SLC17A8: variants seen among roughly 807,000 people sequenced by gnomAD.
SLC17A8 encodes vesicular glutamate transporter 3.
A neutral mutation model predicts 58.0 loss-of-function variants in SLC17A8; 31 were observed. The observed-to-expected ratio is 0.53, with a 90% CI of 0.40 to 0.72. The LOEUF is 0.72. Ranked by LOEUF, SLC17A8 falls within the 30% of genes least tolerant of loss-of-function variation. The pLI, the probability that SLC17A8 is intolerant of heterozygous loss-of-function variation, is 0.00. For missense variants in SLC17A8, 655 were observed against 727.8 expected, an observed-to-expected ratio of 0.90 and a Z score of 1.15; for synonymous variants, 228 against 249.0, an observed-to-expected ratio of 0.92 and a Z score of 0.79.
chr12:100,409,541 C>G (rs1013509269), intron 9 of SLC17A8, among the ~76,000 whole-genome samples: 1 of 152,070 alleles, frequency 6.6e-6, no homozygotes, highest in African/African-American at 2.4e-5. Context: ...GTTAAATATA[C>G]AGTTTTGTGG....
chr12:100,382,303 G>A (rs1952643478), intron 2 of SLC17A8, among the ~76,000 whole-genome samples: 2 of 152,240 alleles, frequency 1.3e-5, no homozygotes, highest in Non-Finnish European at 2.9e-5. Flanking sequence ...CACAGGGCCA[G>A]TTCAGAGGCC....
chr12:100,413,244 C>T (rs1002305389), intron 10 of SLC17A8, among the ~76,000 whole-genome samples: 4 of 152,114 alleles, frequency 2.6e-5, no homozygotes, highest in South Asian at 2.1e-4. Context: ...TTTCAAGCCT[C>T]GCCCTCTTGC....
At chr12:100,410,014 A>C (rs1952855232) in intron 9 of SLC17A8, among the ~76,000 whole-genome samples, 1 of 152,202 alleles carries the variant, frequency 6.6e-6, no homozygotes, top group South Asian at 2.1e-4. Context: ...GCTTAGAAAG[A>C]CAGTGGTATT....
intron 3 of SLC17A8, among the ~76,000 whole-genome samples, chr12:100,391,454 AC>A (rs367994468): frequency 6.9e-5 from 10 of 144,014 alleles, no homozygotes; most frequent in African/African-American, 2.6e-4. Flanking sequence ...AAAAGTGTGC[AC>A]CACTACACCC....
chr12:100,386,245 A>G (rs1285392095), intron 2 of SLC17A8, among the ~76,000 whole-genome samples: 1 of 152,116 alleles, frequency 6.6e-6, no homozygotes, highest in Non-Finnish European at 1.5e-5. Context: ...TTGGTTTATT[A>G]TAGTGATGGT....
chr12:100,379,049 T>C (rs1952613882), intron 1 of SLC17A8, among the ~76,000 whole-genome samples: 1 of 152,206 alleles, frequency 6.6e-6, no homozygotes, highest in South Asian at 2.1e-4. Flanking sequence ...TGAGACACAG[T>C]AGGCGCTCAA....
At chr12:100,404,528 ACAC>A (rs1421717582) in intron 9 of SLC17A8, 1 of 225,458 alleles carries the variant, frequency 4.4e-6, no homozygotes, top group East Asian at 9.1e-5. Context: ...ACACACACAC[ACAC>A]ACCATTCTCT....
rs1952810306 is a variant in SLC17A8 at position 100,404,120 on chromosome 12, G to A, written c.1136G>A (p.Ser379Asn). 2 of 1,614,092 alleles carry A rather than the reference G, an allele frequency of 1.2e-6. No individual in the cohort carries two copies. Among genetic ancestry groups the A allele is most frequent in the African/African-American group, 1.3e-5 (1 of 74,940 alleles). The change falls in exon 9 of 12, where the codon AGC (serine) becomes AAC (asparagine). Residue 379 changes from serine (S) to asparagine (N), a missense_variant. Coordinates refer to ENST00000323346, the MANE Select transcript of SLC17A8 (RefSeq NM_139319.3). ...IGGQLADYLRSRQILTTTAVR... is the reference protein window; with the variant it reads ...IGGQLADYLRNRQILTTTAVR... ...GGACAATTGGCTGATTATTTAAGAA[G>A]CAGACAAATTTTAACCACAACTGCT...
chr12:100,407,876 G>C (rs1051547589), intron 9 of SLC17A8, among the ~76,000 whole-genome samples: 1 of 152,134 alleles, frequency 6.6e-6, no homozygotes, highest in Non-Finnish European at 1.5e-5. Flanking sequence ...AAAGTGCTGG[G>C]ATTACAGGCA....
rs1448648180 is a variant in SLC17A8, at chr12:100,357,402, A to G, written c.11A>G (p.Lys4Arg). 1.9e-5 allele frequency: 31 copies of G among 1,605,988 alleles called. No homozygotes were observed. Among genetic ancestry groups the G allele is most frequent in the Non-Finnish European group, 2.6e-5 (31 of 1,172,748 alleles). The change falls in exon 1 of 12, where the codon AAA (lysine) becomes AGA (arginine). Residue 4 changes from lysine (K) to arginine (R), a missense_variant. Lys to Arg is a conservative substitution (Grantham distance 26). Coordinates refer to ENST00000323346, the MANE Select transcript of SLC17A8 (RefSeq NM_139319.3). ...TGCCCCTCATTCAAAATGCCTTTTA[A>G]AGCATTTGATACCTTCAAAGAAAAA... MPF[K>R]AFDTFKEKIL...
In SLC17A8 at chr12:100,357,450, G is replaced by A; in HGVS notation, c.59G>A (p.Gly20Glu). The A allele has an allele frequency of 6.2e-7, 1 of 1,614,066 alleles. No individual in the cohort carries two copies. Among genetic ancestry groups the A allele is most frequent in the Non-Finnish European group, 8.5e-7 (1 of 1,179,906 alleles). ...KEKILKPGKE[G>E]VKNAVGDSLG... ...AAAATTCTGAAACCTGGGAAGGAAG[G>A]AGTGAAGAACGCCGTGGGAGATTCT... Residue 20 changes from glycine (G) to glutamate (E), a missense_variant, in exon 1 of 12, where the codon GGA (glycine) becomes GAA (glutamate). By Grantham distance (98) the Gly-to-Glu change is moderately conservative (BLOSUM62 -2). Coordinates refer to ENST00000323346, the MANE Select transcript of SLC17A8 (RefSeq NM_139319.3).
chr12:100,375,028 C>T (rs140793909), intron 1 of SLC17A8, among the ~76,000 whole-genome samples: 1 of 151,826 alleles, frequency 6.6e-6, no homozygotes, highest in Non-Finnish European at 1.5e-5. Flanking sequence ...TACTGTATGT[C>T]TTCCCTCTGG....
chr12:100,390,835 T>C (rs1382714633), intron 2 of SLC17A8, among the ~76,000 whole-genome samples, 166 bp from the exon 3 acceptor site: 1 of 152,104 alleles, frequency 6.6e-6, no homozygotes, highest in East Asian at 1.9e-4. Context: ...CCCAGGACTT[T>C]TGCTTGCTGC....
intron 9 of SLC17A8, 168 bp downstream of exon 9, chr12:100,404,338 G>A: frequency 1.2e-6 from 1 of 813,166 alleles, no homozygotes; most frequent in Non-Finnish European, 2.0e-6. Context: ...GTGCTGCCAA[G>A]AGGTCATCCA....
rs770924285 is a variant in SLC17A8 at position 100,396,425 on chromosome 12, T to C, written c.676+8T>C. 9 of 1,611,882 alleles carry C rather than the reference T, an allele frequency of 5.6e-6. No individual in the cohort carries two copies. Among genetic ancestry groups the C allele is most frequent in the Admixed American group, 3.3e-5 (2 of 60,008 alleles). ...CCACAACCTCTTTTTGTGGTGGGTA[T>C]ATTAGAATCGTAACAAATTTTATTT... On this transcript the variant is annotated splice_region_variant and intron_variant, in intron 5 of 11. Coordinates refer to ENST00000323346, the MANE Select transcript of SLC17A8 (RefSeq NM_139319.3).
At chr12:100,362,463 CAGG>C (rs1418463077) in intron 1 of SLC17A8, among the ~76,000 whole-genome samples, 1 of 152,142 alleles carries the variant, frequency 6.6e-6, no homozygotes. Flanking sequence ...CTCCTGGGCT[CAGG>C]AGATCTTCCT....
chr12:100,363,198 T>G (rs186505687), intron 1 of SLC17A8, among the ~76,000 whole-genome samples: 78 of 152,280 alleles, frequency 5.1e-4, no homozygotes, highest in African/African-American at 1.8e-3. Context: ...GAATTCTTCC[T>G]TGTGAATCGG....
At chr12:100,365,750 A>G (rs533436266) in intron 1 of SLC17A8, among the ~76,000 whole-genome samples, 8 of 152,278 alleles carry the variant, frequency 5.3e-5, no homozygotes, top group East Asian at 1.9e-4. Flanking sequence ...TGGAGCACAC[A>G]TGTCTTACTG....
chr12:100,393,116 G>A (rs1038553687), intron 3 of SLC17A8, among the ~76,000 whole-genome samples: 15 of 152,100 alleles, frequency 9.9e-5, no homozygotes, highest in African/African-American at 3.1e-4. Context: ...GGTGCCAGCC[G>A]CCATGCCTGG....
Sources: allele counts gnomAD v4.1 joint callset (sites outside exome capture counted in the v4.1 genomes callset), GRCh38; gene constraint gnomAD v4.1.1; transcripts MANE v1.5; gene names NCBI Gene and HGNC (gene_info 2026-07-23, HGNC 2026-07-21).